The following LYPLA2 variants were observed in gnomAD, a reference collection of about 807,000 sequenced individuals.
LYPLA2 encodes lysophospholipase 2.
In LYPLA2, 7 loss-of-function variants were observed where a neutral mutation model predicts 30.3. The observed-to-expected ratio is 0.23, with a 90% CI of 0.13 to 0.43. LYPLA2 has a LOEUF of 0.43. LYPLA2 is among the 20% of genes least tolerant of loss of function. LYPLA2 has a pLI of 1.00. For synonymous variants in LYPLA2, 112 were observed against 118.2 expected (o/e 0.95, Z 0.34); for missense variants, 206 against 307.9 (o/e 0.67, Z 2.48).
chr1:23,793,630 C>A lies in LYPLA2; in HGVS notation c.177-75C>A. 2 of 1,497,246 alleles carry A rather than the reference C, an allele frequency of 1.3e-6. No individual in the cohort carries two copies. The highest frequency in any genetic ancestry group is 3.3e-5 in the Admixed American group (2 of 59,814). The allele number at this position is 1,497,246 out of a possible 1,614,324, so 92.7% of individuals were successfully genotyped here. On this transcript the variant is annotated intron_variant, in intron 4 of 9. Transcript: ENST00000374514. The surrounding 1 kb of genome is among the most constrained non-coding windows in gnomAD (Gnocchi z 6.0). ...GGAGGGGCCACCAGGGGCGGCGCGG[C>A]CCCACTCCGGGCTCTGAGCTCTGGC...
Position 23,795,388 on chromosome 1 carries a change from C to G in LYPLA2, c.*656C>G. 1 of 205,186 alleles carries G rather than the reference C, an allele frequency of 4.9e-6. No individual in the cohort carries two copies. Among genetic ancestry groups the G allele is most frequent in the Non-Finnish European group, 1.0e-5 (1 of 99,562 alleles). The allele number at this position is 205,186 out of a possible 1,614,324, so 12.7% of individuals were successfully genotyped here. On this transcript the variant is annotated 3_prime_UTR_variant, in exon 10 of 10. Transcript: ENST00000374514. The stretch of plus-strand genomic sequence containing the variant: ...GGGCTGGACTGAGGTTCAGGTCTCC[C>G]CCCAGCTGTCTCACCCCCACTTTGT...
chr1:23,792,383 C>G (rs558134035), intron 1 of LYPLA2, among the ~76,000 whole-genome samples: 65 of 152,242 alleles, frequency 4.3e-4, no homozygotes, highest in African/African-American at 1.5e-3. Context: ...AGTCCCTATG[C>G]CCTGCCTCTG....
rs1327718579 is a variant in LYPLA2, at chr1:23,794,786, G to C, written c.*54G>C. 3.1e-6 allele frequency: 5 copies of C among 1,600,132 alleles called. No homozygotes were observed. The Admixed American group carries it at 6.7e-5, about 21-fold the overall frequency. Reference sequence around the variant, plus strand: ...AGCTCATGGGGGACTCAGCAAGCAAGCGTGGCACCATCTTGGATCTGAGCC... The same window carrying C: ...AGCTCATGGGGGACTCAGCAAGCAACCGTGGCACCATCTTGGATCTGAGCC... On this transcript the variant is annotated 3_prime_UTR_variant, in exon 10 of 10. Coordinates refer to ENST00000374514, the MANE Select transcript of LYPLA2 (RefSeq NM_007260.3). The surrounding 1 kb of genome is among the most constrained non-coding windows in gnomAD (Gnocchi z 5.9).
rs1054116657 is a variant in LYPLA2, at chr1:23,794,815, C to G, written c.*83C>G. ...GGCACCATCTTGGATCTGAGCCGGT[C>G]GAGCCCCTGTCCCCACCCTTCCTGA... On this transcript the variant is annotated 3_prime_UTR_variant, in exon 10 of 10. Coordinates refer to ENST00000374514, the MANE Select transcript of LYPLA2 (RefSeq NM_007260.3). The surrounding 1 kb of genome is among the most constrained non-coding windows in gnomAD (Gnocchi z 5.9). The G allele has an allele frequency of 7.4e-6, 11 of 1,495,682 alleles. No homozygotes were observed. The highest frequency in any genetic ancestry group is 1.8e-5 in the Admixed American group (1 of 55,496). The allele number at this position is 1,495,682 out of a possible 1,614,324, so 92.7% of individuals were successfully genotyped here.
intron 1 of LYPLA2, among the ~76,000 whole-genome samples, chr1:23,792,248 G>T (rs947332707): frequency 6.6e-6 from 1 of 152,038 alleles, no homozygotes; most frequent in Non-Finnish European, 1.5e-5. Context: ...TTCCCATAGG[G>T]CCCGGAGTTG....
chr1:23,793,128 C>G lies in LYPLA2; in HGVS notation c.111-23C>G. ...CCTTCTCTTCCTACCACATCGGAGC[C>G]TTTTCTCCCGTCCCTCCTACAGGCA... On this transcript the variant is annotated intron_variant, in intron 3 of 9. Transcript: ENST00000374514. This position sits in a 1 kb window ranked among gnomAD's most constrained non-coding sequence, Gnocchi z 6.0. The G allele has an allele frequency of 1.2e-6, 2 of 1,614,002 alleles. No individual in the cohort carries two copies. Among genetic ancestry groups the G allele is most frequent in the Non-Finnish European group, 1.7e-6 (2 of 1,179,866 alleles).
In LYPLA2 at chr1:23,792,559, C is replaced by G. The variant is rs1186358340; in HGVS notation, c.-26-98C>G. The G allele has an allele frequency of 4.1e-6, 3 of 724,252 alleles. No individual in the cohort carries two copies. The African/African-American group carries it at 5.2e-5, about 13-fold the overall frequency. The allele number at this position is 724,252 out of a possible 1,614,324, so 44.9% of individuals were successfully genotyped here. ...ACTATTCTTTGTGCCCAGGACAGAACCTGGGTGCTGTGTGGGGCTGATGGC... is the reference window on the plus strand; with the variant it reads ...ACTATTCTTTGTGCCCAGGACAGAAGCTGGGTGCTGTGTGGGGCTGATGGC... On this transcript the variant is annotated intron_variant, in intron 1 of 9. Coordinates refer to ENST00000374514, the MANE Select transcript of LYPLA2 (RefSeq NM_007260.3).
At chr1:23,792,882 CG>C in intron 2 of LYPLA2, 122 bp downstream of exon 2, 2 of 1,070,310 alleles carry the variant, frequency 1.9e-6, no homozygotes, top group South Asian at 1.3e-5. Context: ...CCAGCAGGCT[CG>C]GGGTAGTAAC....
rs1638860574 is a variant in LYPLA2 at position 23,793,992 on chromosome 1, G to A, written c.295+62G>A. 4 of 1,593,076 alleles carry A rather than the reference G, an allele frequency of 2.5e-6. No individual in the cohort carries two copies. The East Asian group carries it at 8.9e-5, about 36-fold the overall frequency. On this transcript the variant is annotated intron_variant, in intron 6 of 9. Transcript: ENST00000374514. The surrounding 1 kb of genome is among the most constrained non-coding windows in gnomAD (Gnocchi z 6.0). ...CTGCCCCCCAGGAAAGCGCTGGGCG[G>A]TTCCTCAGCCTAGCTCCCTTATTGG...
chr1:23,793,112 C>A lies in LYPLA2; in HGVS notation c.111-39C>A, dbSNP rs542626512. 34 of 1,613,528 alleles carry A rather than the reference C, an allele frequency of 2.1e-5. No individual in the cohort carries two copies. The highest frequency in any genetic ancestry group is 2.7e-5 in the Non-Finnish European group (32 of 1,179,586). On this transcript the variant is annotated intron_variant, in intron 3 of 9. Coordinates refer to ENST00000374514, the MANE Select transcript of LYPLA2 (RefSeq NM_007260.3). The surrounding 1 kb of genome is among the most constrained non-coding windows in gnomAD (Gnocchi z 6.0). ...CAGCGGACTGGAGAGGCCTTCTCTT[C>A]CTACCACATCGGAGCCTTTTCTCCC...
Position 23,793,164 on chromosome 1 carries a change from G to A in LYPLA2, c.124G>A (p.Asp42Asn), listed in dbSNP as rs1638834115. ...GLGDTGHSWA[D>N]ALSTIRLPHV... is the part of the protein sequence containing the mutation. ...TCCCTCCTACAGGCACAGCTGGGCT[G>A]ACGCCCTCTCCACCATCCGGCTCCC... is the stretch of plus-strand genomic sequence containing the variant. The change falls in exon 4 of 10, where the codon GAC becomes AAC. Residue 42 changes from aspartate to asparagine, a missense_variant. Physicochemically the swap from Asp to Asn is conservative, Grantham distance 23. Coordinates refer to ENST00000374514, the MANE Select transcript of LYPLA2 (RefSeq NM_007260.3). This position sits in a 1 kb window ranked among gnomAD's most constrained non-coding sequence, Gnocchi z 6.0. 3.7e-6 allele frequency: 6 copies of A among 1,614,048 alleles called. No homozygotes were observed. The East Asian group carries it at 1.1e-4, about 30-fold the overall frequency.
In LYPLA2 at chr1:23,794,204, C is replaced by T. The variant is rs780215039; in HGVS notation, c.370-20C>T. On this transcript the variant is annotated intron_variant, in intron 7 of 9. Coordinates refer to ENST00000374514, the MANE Select transcript of LYPLA2 (RefSeq NM_007260.3). The surrounding 1 kb of genome is among the most constrained non-coding windows in gnomAD (Gnocchi z 5.9). ...GTGAGTGAGCTGTGCCCTCATGACC[C>T]CTCTCTCTCCTCCCTCCAGGGCGGG... is the stretch of plus-strand genomic sequence containing the variant. 3 of 1,597,710 alleles carry T rather than the reference C, an allele frequency of 1.9e-6. No homozygotes were observed. The highest frequency in any genetic ancestry group is 2.6e-6 in the Non-Finnish European group (3 of 1,170,342).
At position 23,793,690 on chromosome 1, in the gene LYPLA2, GCT is replaced by G. The variant is rs745911740; in HGVS notation, c.177-10_177-9del. On this transcript the variant is annotated splice_polypyrimidine_tract_variant and intron_variant, in intron 4 of 9. Transcript: ENST00000374514. The surrounding 1 kb of genome is among the most constrained non-coding windows in gnomAD (Gnocchi z 6.0). ...CCTCCTGAGCATGATGGGCCCTCTG[GCT>G]CTCTTTCCCCAGGCCTAGGATCCCT... The G allele has an allele frequency of 8.7e-6, 14 of 1,613,838 alleles. No individual in the cohort carries two copies. In the African/African-American group the frequency reaches 1.5e-4, roughly 17 times the overall value.
At position 23,793,801 on chromosome 1, in the gene LYPLA2, A is replaced by C; in HGVS notation, c.224+49A>C. ...CAGGGGGACGAGGACACTTGGGCTGAGGGAGCCACAGGGGGCTGGCTGGGG... is the reference window on the plus strand; with the variant it reads ...CAGGGGGACGAGGACACTTGGGCTGCGGGAGCCACAGGGGGCTGGCTGGGG... On this transcript the variant is annotated intron_variant, in intron 5 of 9. Transcript: ENST00000374514. This position sits in a 1 kb window ranked among gnomAD's most constrained non-coding sequence, Gnocchi z 6.0. 2 of 1,611,426 alleles carry C rather than the reference A, an allele frequency of 1.2e-6. No individual in the cohort carries two copies. The highest frequency in any genetic ancestry group is 1.1e-5 in the South Asian group (1 of 91,036).
At position 23,794,152 on chromosome 1, in the gene LYPLA2, T is replaced by TG. The variant is rs759028589; in HGVS notation, c.369+23dup. The TG allele has an allele frequency of 4.3e-4, 54 of 124,790 alleles. No homozygotes were observed. The highest frequency in any genetic ancestry group is 2.5e-3 in the African/African-American group (24 of 9,724). 7.7% of individuals were successfully genotyped at this position (124,790 alleles called of 1,614,324 possible). On this transcript the variant is annotated intron_variant, in intron 7 of 9. Transcript: ENST00000374514. This position sits in a 1 kb window ranked among gnomAD's most constrained non-coding sequence, Gnocchi z 5.9. The stretch of plus-strand genomic sequence containing the variant: ...CTTTTCACAGGTGAGGGGAGAGGGG[T>TG]GGGGGGGTAGGGGGTAGGGGTGGCC...
At position 23,791,205 on chromosome 1, in the gene LYPLA2, AAG is replaced by A. The variant is rs1326048361; in HGVS notation, c.-69_-68del. ...GGGGGAAGAGTGTGTCTGCGGGAGA[AAG>A]AGGAGAATCGCCCAAGCGGCCTCGG... On this transcript the variant is annotated 5_prime_UTR_variant, in exon 1 of 10. Coordinates refer to ENST00000374514, the MANE Select transcript of LYPLA2 (RefSeq NM_007260.3). 3 of 152,486 alleles carry A rather than the reference AAG, an allele frequency of 2.0e-5. No individual in the cohort carries two copies. Among genetic ancestry groups the A allele is most frequent in the Admixed American group, 6.5e-5 (1 of 15,274 alleles). The allele number at this position is 152,486 out of a possible 1,614,324, so 9.4% of individuals were successfully genotyped here.
chr1:23,792,506 T>A (rs1638816540), intron 1 of LYPLA2, 151 bp from the exon 2 acceptor site: 1 of 619,888 alleles, frequency 1.6e-6, no homozygotes, highest in African/African-American at 1.8e-5. Context: ...GCAGACTTCT[T>A]CTCCTGTGCC....
Position 23,794,914 on chromosome 1 carries a change from C to T in LYPLA2, c.*182C>T. On this transcript the variant is annotated 3_prime_UTR_variant, in exon 10 of 10. Transcript: ENST00000374514. This position sits in a 1 kb window ranked among gnomAD's most constrained non-coding sequence, Gnocchi z 5.9. The stretch of plus-strand genomic sequence containing the variant: ...GGGCCTTCCTTCCTGGCCTTAGCCA[C>T]CTGGCTCTGTCTGCAGCAGGGGCAG... 1 of 747,656 alleles carries T rather than the reference C, an allele frequency of 1.3e-6. No individual in the cohort carries two copies. Among genetic ancestry groups the T allele is most frequent in the Admixed American group, 2.0e-5 (1 of 49,972 alleles). The allele number at this position is 747,656 out of a possible 1,614,324, so 46.3% of individuals were successfully genotyped here.
At position 23,794,387 on chromosome 1, in the gene LYPLA2, T is replaced by C. The variant is rs1312094085; in HGVS notation, c.472-40T>C. The C allele has an allele frequency of 6.2e-7, 1 of 1,611,492 alleles. No homozygotes were observed. The highest frequency in any genetic ancestry group is 8.5e-7 in the Non-Finnish European group (1 of 1,178,172). On this transcript the variant is annotated intron_variant, in intron 8 of 9. Coordinates refer to ENST00000374514, the MANE Select transcript of LYPLA2 (RefSeq NM_007260.3). This position sits in a 1 kb window ranked among gnomAD's most constrained non-coding sequence, Gnocchi z 5.9. ...TGCATCCTCGTGGCTTGGGGACTGC[T>C]GCAGCACTAGCTTTGCCCTGAGTCC...
Sources: allele counts gnomAD v4.1 joint callset (sites outside exome capture counted in the v4.1 genomes callset), GRCh38; gene constraint gnomAD v4.1.1; non-coding constraint Gnocchi (gnomAD v3.1); transcripts MANE v1.5; gene names NCBI Gene and HGNC (gene_info 2026-07-23, HGNC 2026-07-21).